DCAF17: variants seen among roughly 807,000 people sequenced by gnomAD.
DCAF17 encodes DDB1- and CUL4-associated factor 17.
In DCAF17, 48 loss-of-function variants were observed where a neutral mutation model predicts 66.0. The observed-to-expected ratio is 0.73, with a 90% CI of 0.58 to 0.92. The LOEUF (loss-of-function observed/expected upper bound fraction) is 0.92. Ranked by LOEUF, DCAF17 falls within the 40% of genes least tolerant of loss-of-function variation. The pLI, the probability that DCAF17 is intolerant of heterozygous loss-of-function variation, is 0.00. For synonymous variants in DCAF17, 206 were observed against 214.6 expected (o/e 0.96, Z 0.35); for missense variants, 562 against 622.8 (o/e 0.90, Z 1.04).
At chr2:171,435,012 C>A in intron 1 of DCAF17, 71 bp from the exon 2 acceptor site, 2 of 1,274,190 alleles carry the variant, frequency 1.6e-6, no homozygotes, top group South Asian at 1.3e-5. Context: ...CATTATGTTG[C>A]TTTGAAAATT....
intron 5 of DCAF17, among the ~76,000 whole-genome samples, chr2:171,452,226 G>A (rs1305755038): frequency 2.0e-5 from 3 of 152,206 alleles, no homozygotes; most frequent in African/African-American, 7.2e-5. Flanking sequence ...TTGAAGCAGA[G>A]ACTGGCTGTG....
At chr2:171,442,023 AAAATT>A (rs968558924) in intron 2 of DCAF17, among the ~76,000 whole-genome samples, 5 of 152,230 alleles carry the variant, frequency 3.3e-5, no homozygotes, top group African/African-American at 7.2e-5. Flanking sequence ...ACTTAAAAAA[AAAATT>A]AAATTAGAGT....
At chr2:171,436,076 CATATAAT>C (rs1693921480) in intron 2 of DCAF17, among the ~76,000 whole-genome samples, 1 of 152,326 alleles carries the variant, frequency 6.6e-6, no homozygotes, top group African/African-American at 2.4e-5. Context: ...TAAATGGAAT[CATATAAT>C]ATATGGTCTT....
intron 8 of DCAF17, among the ~76,000 whole-genome samples, chr2:171,460,769 C>T (rs1372621595): frequency 6.6e-6 from 1 of 152,070 alleles, no homozygotes. Context: ...CTCCTGGGCT[C>T]AAGCAGTCTG....
At chr2:171,458,799 C>G (rs1695408254) in intron 8 of DCAF17, among the ~76,000 whole-genome samples, 1 of 152,124 alleles carries the variant, frequency 6.6e-6, no homozygotes, top group Non-Finnish European at 1.5e-5. Flanking sequence ...TCTCTTATAA[C>G]TTAGTATTTT....
chr2:171,481,411 A>G lies in DCAF17; in HGVS notation c.*297A>G, dbSNP rs867895251. On this transcript the variant is annotated 3_prime_UTR_variant, in exon 14 of 14. Coordinates refer to ENST00000375255, the MANE Select transcript of DCAF17 (RefSeq NM_025000.4). ...AACAGAAAAGGACAGGTTAATTCCA[A>G]TTGTTGAGGAGTTAAGTCATTGATG... 2.5e-5 allele frequency: 12 copies of G among 489,060 alleles called. No individual in the cohort carries two copies. The highest frequency in any genetic ancestry group is 1.2e-4 in the African/African-American group (6 of 51,412). The allele number at this position is 489,060 out of a possible 1,614,324, so 30.3% of individuals were successfully genotyped here.
In DCAF17 at chr2:171,481,112, TA is replaced by T. The variant is rs1559295327; in HGVS notation, c.*3del. The T allele has an allele frequency of 9.3e-6, 15 of 1,613,598 alleles. No homozygotes were observed. Among genetic ancestry groups the T allele is most frequent in the Non-Finnish European group, 1.1e-5 (13 of 1,179,574 alleles). ...EEEETINRSC[*>X] is the part of the protein sequence containing the mutation. ...AGAAGAAACCATAAACAGAAGCTGT[TA>T]AAAAGAGTGAGATAATTGTAACCTA... On this transcript the variant is annotated frameshift_variant and stop_lost, in exon 14 of 14. Coordinates refer to ENST00000375255, the MANE Select transcript of DCAF17 (RefSeq NM_025000.4). LOFTEE classifies it high-confidence loss of function.
intron 2 of DCAF17, among the ~76,000 whole-genome samples, chr2:171,435,818 T>A (rs1693881763): frequency 6.6e-6 from 1 of 152,262 alleles, no homozygotes; most frequent in African/African-American, 2.4e-5. Flanking sequence ...GAGCTTTTTT[T>A]ATAGGCTTTA....
chr2:171,434,845 T>G (rs1259345090), intron 1 of DCAF17, 142 bp downstream of exon 1: 4 of 1,292,272 alleles, frequency 3.1e-6, no homozygotes, highest in Non-Finnish European at 4.1e-6. Flanking sequence ...GCCCGGAATC[T>G]GGGATAGGTG....
intron 12 of DCAF17, chr2:171,479,813 G>A (rs1043266060): frequency 2.0e-6 from 1 of 492,350 alleles, no homozygotes; most frequent in African/African-American, 1.9e-5. Flanking sequence ...ACTTGGTTTT[G>A]TTTATCAAAT....
At chr2:171,478,166 G>T in intron 12 of DCAF17, 96 bp downstream of exon 12, 1 of 1,139,790 alleles carries the variant, frequency 8.8e-7, no homozygotes, top group Non-Finnish European at 1.3e-6. Flanking sequence ...TAGAGGTTGG[G>T]GTTGAGGGGT....
intron 2 of DCAF17, among the ~76,000 whole-genome samples, chr2:171,442,034 A>T (rs1348123048): frequency 6.6e-6 from 1 of 152,204 alleles, no homozygotes; most frequent in African/African-American, 2.4e-5. Context: ...AAATTAAATT[A>T]GAGTAAGTGG....
At chr2:171,463,186 C>T (rs932541406) in intron 8 of DCAF17, among the ~76,000 whole-genome samples, 5 of 149,236 alleles carry the variant, frequency 3.4e-5, no homozygotes, top group African/African-American at 5.0e-5. Flanking sequence ...AGTGAGACTG[C>T]GCCACTGCAC....
At position 171,481,612 on chromosome 2, in the gene DCAF17, A is replaced by C. The variant is rs1696749068; in HGVS notation, c.*498A>C. The C allele has an allele frequency of 2.2e-6, 1 of 453,920 alleles. No homozygotes were observed. Among genetic ancestry groups the C allele is most frequent in the African/African-American group, 2.0e-5 (1 of 50,012 alleles). The allele number at this position is 453,920 out of a possible 1,614,324, so 28.1% of individuals were successfully genotyped here. On this transcript the variant is annotated 3_prime_UTR_variant, in exon 14 of 14. Coordinates refer to ENST00000375255, the MANE Select transcript of DCAF17 (RefSeq NM_025000.4). ...ATGTGAGAACATTATTTTGAGCCCA[A>C]AATGTGTCATCACAGTTTTTAAAAA... is the stretch of plus-strand genomic sequence containing the variant.
Position 171,448,750 on chromosome 2 carries a change from C to A in DCAF17, c.391C>A (p.Leu131Ile). 2.5e-6 allele frequency: 4 copies of A among 1,613,094 alleles called. No homozygotes were observed. The highest frequency in any genetic ancestry group is 3.4e-6 in the Non-Finnish European group (4 of 1,179,534). ...AGCACTGACTGCTCATAATTGGCTA[C>A]TTCGTATATCAGCAACTACGGGAAA... is the stretch of plus-strand genomic sequence containing the variant. ...LIALTAHNWLLRISATTGKIL... is the reference protein window; with the variant it reads ...LIALTAHNWLIRISATTGKIL... Residue 131 changes from leucine to isoleucine, a missense_variant, in exon 4 of 14, where the codon CTT becomes ATT. Physicochemically the swap from Leu to Ile is conservative, Grantham distance 5 (BLOSUM62 2). This residue lies in a region of DCAF17 where 348 missense variants were observed against 355.9 expected (regional missense o/e 0.98). Coordinates refer to ENST00000375255, the MANE Select transcript of DCAF17 (RefSeq NM_025000.4).
At chr2:171,480,928 A>G in intron 13 of DCAF17, 46 bp from the exon 14 acceptor site, 1 of 1,611,230 alleles carries the variant, frequency 6.2e-7, no homozygotes, top group Non-Finnish European at 8.5e-7. Flanking sequence ...ACAGTAGTGA[A>G]TATGGCTGTG....
chr2:171,439,413 G>T (rs544545158), intron 2 of DCAF17, among the ~76,000 whole-genome samples: 1 of 151,296 alleles, frequency 6.6e-6, no homozygotes, highest in South Asian at 2.1e-4. Flanking sequence ...CAAACTCACT[G>T]ATTCTGTCCT....
intron 6 of DCAF17, among the ~76,000 whole-genome samples, chr2:171,457,599 G>T (rs191173932): frequency 2.0e-5 from 3 of 152,290 alleles, no homozygotes; most frequent in Admixed American, 2.0e-4. Context: ...TTGATCCTTG[G>T]AAGAGTATGA....
At position 171,482,703 on chromosome 2, in the gene DCAF17, C is replaced by T. The variant is rs1255269000; in HGVS notation, c.*1589C>T. ...TTAGGTGATTATTGAGTTTCTCCTTCTCCTTTAAGTCATCACCTTCCTTTT... is the reference window on the plus strand; with the variant it reads ...TTAGGTGATTATTGAGTTTCTCCTTTTCCTTTAAGTCATCACCTTCCTTTT... On this transcript the variant is annotated 3_prime_UTR_variant, in exon 14 of 14. Transcript: ENST00000375255. The T allele has an allele frequency of 8.8e-6, 4 of 453,072 alleles. No homozygotes were observed. Among genetic ancestry groups the T allele is most frequent in the Non-Finnish European group, 1.8e-5 (4 of 226,622 alleles). 28.1% of individuals were successfully genotyped at this position (453,072 alleles called of 1,614,324 possible). A position where few individuals can be genotyped will look rare whatever the true frequency, so the allele number is the denominator to read the frequency against.
Sources: allele counts gnomAD v4.1 joint callset (sites outside exome capture counted in the v4.1 genomes callset), GRCh38; gene constraint gnomAD v4.1.1; regional missense constraint gnomAD v4.1.1; transcripts MANE v1.5; gene names NCBI Gene and HGNC (gene_info 2026-07-23, HGNC 2026-07-21).